SLC44A1: variants seen among roughly 807,000 people sequenced by gnomAD.
SLC44A1 encodes solute carrier family 44 member 1.
In SLC44A1, 26 loss-of-function variants were observed where a neutral mutation model predicts 79.3. The ratio of observed to expected loss-of-function variants is 0.33; its 90% CI spans 0.24 to 0.46. SLC44A1 has a LOEUF of 0.46. Ranked by LOEUF, SLC44A1 falls within the 20% of genes least tolerant of loss-of-function variation. The pLI is 1.00. For synonymous variants in SLC44A1, 263 were observed against 286.2 expected, an observed-to-expected ratio of 0.92 and a Z score of 0.82; for missense variants, 688 against 798.1, an observed-to-expected ratio of 0.86 and a Z score of 1.66.
At chr9:105,310,694 G>A (rs531341137) in intron 3 of SLC44A1, among the ~76,000 whole-genome samples, 2 of 152,164 alleles carry the variant, frequency 1.3e-5, no homozygotes, top group Non-Finnish European at 2.9e-5. Flanking sequence ...TTTCCAGGAA[G>A]GTGGTATGTA....
intron 9 of SLC44A1, 40 bp from the exon 10 acceptor site, chr9:105,364,515 C>T: frequency 6.4e-7 from 1 of 1,573,416 alleles, no homozygotes; most frequent in East Asian, 2.2e-5. Flanking sequence ...TGGATTTGTA[C>T]TTTATGTGCT....
intron 15 of SLC44A1, among the ~76,000 whole-genome samples, chr9:105,404,881 A>G (rs560764403): frequency 6.6e-6 from 1 of 152,238 alleles, no homozygotes; most frequent in Admixed American, 6.5e-5. Flanking sequence ...CATGTTTTAT[A>G]GGGATTGTGT....
intron 1 of SLC44A1, among the ~76,000 whole-genome samples, chr9:105,285,674 A>G (rs991663875): frequency 8.5e-5 from 13 of 152,202 alleles, no homozygotes; most frequent in African/African-American, 3.1e-4. Flanking sequence ...CTCACAAAGT[A>G]CATTCTCAAG....
intron 1 of SLC44A1, among the ~76,000 whole-genome samples, chr9:105,273,441 A>G (rs1463205753): frequency 6.6e-6 from 1 of 152,192 alleles, no homozygotes; most frequent in Admixed American, 6.5e-5. Context: ...AATGGATTAC[A>G]TTTGGCTTTT....
intron 15 of SLC44A1, among the ~76,000 whole-genome samples, chr9:105,387,970 T>A (rs1588860099): frequency 1.3e-5 from 2 of 152,218 alleles, no homozygotes; most frequent in Admixed American, 1.3e-4. Context: ...AACAATGCAT[T>A]AAAATCTTTA....
At chr9:105,403,177 T>C (rs1828980976) in intron 15 of SLC44A1, among the ~76,000 whole-genome samples, 1 of 151,930 alleles carries the variant, frequency 6.6e-6, no homozygotes, top group South Asian at 2.1e-4. Flanking sequence ...AAGAAACAAA[T>C]ATGCTGGACT....
chr9:105,422,127 T>TA (rs1472586790), intron 15 of SLC44A1, among the ~76,000 whole-genome samples: 28 of 152,168 alleles, frequency 1.8e-4, no homozygotes, highest in African/African-American at 5.5e-4. Context: ...AGGTCAGAGT[T>TA]ACATCTAGCA....
At chr9:105,436,597 A>AAATG (rs1205985848) in intron 15 of SLC44A1, among the ~76,000 whole-genome samples, 3 of 152,190 alleles carry the variant, frequency 2.0e-5, no homozygotes, top group Admixed American at 6.5e-5. Context: ...ATAAATAAAT[A>AAATG]AAATGAAACT....
At position 105,392,772 on chromosome 9, in the gene SLC44A1, C is replaced by T; in HGVS notation, c.*3716C>T. On this transcript the variant is annotated 3_prime_UTR_variant, in exon 16 of 16. Transcript: ENST00000374720. ...GCAAGGTAGAATTCTGGGATCAGTT[C>T]CAAAACCAGAACTGCCAGTAATGGT... 1.0e-6 allele frequency: 1 copy of T among 985,346 alleles called. No homozygotes were observed. Among genetic ancestry groups the T allele is most frequent in the Non-Finnish European group, 1.2e-6 (1 of 829,902 alleles). 61.0% of individuals were successfully genotyped at this position (985,346 alleles called of 1,614,324 possible).
At chr9:105,353,086 C>T (rs895892216) in intron 5 of SLC44A1, among the ~76,000 whole-genome samples, 3 of 152,096 alleles carry the variant, frequency 2.0e-5, no homozygotes, top group Admixed American at 6.5e-5. Flanking sequence ...TTCATTACCA[C>T]TAGGAACAGA....
At chr9:105,402,460 TA>T (rs1828970753) in intron 15 of SLC44A1, among the ~76,000 whole-genome samples, 2 of 152,372 alleles carry the variant, frequency 1.3e-5, no homozygotes, top group Middle Eastern at 3.4e-3. Flanking sequence ...CAAATTCATC[TA>T]AGCTCTGATT....
At chr9:105,400,499 A>AG (rs1218377062), downstream of SLC44A1, among the ~76,000 whole-genome samples, 1 of 152,042 alleles carries the variant, frequency 6.6e-6, no homozygotes, top group African/African-American at 2.4e-5. Flanking sequence ...AAAAAAGAAA[A>AG]AGAAAAAGAA....
At chr9:105,363,871 A>G (rs577689588) in intron 9 of SLC44A1, among the ~76,000 whole-genome samples, 13 of 152,352 alleles carry the variant, frequency 8.5e-5, no homozygotes, top group Non-Finnish European at 1.9e-4. Context: ...GTAAGTTCCA[A>G]TACTGACTCA....
rs541163857 is a variant in SLC44A1 at position 105,278,603 on chromosome 9, A to G, written c.37-20617A>G. 2.0e-5 allele frequency among the ~76,000 whole-genome samples: 3 copies of G among 151,602 alleles called. No homozygotes were observed. In the South Asian group the frequency reaches 6.2e-4, roughly 32 times the overall value. On this transcript the variant is annotated intron_variant, in intron 1 of 15. Coordinates refer to ENST00000374720, the MANE Select transcript of SLC44A1 (RefSeq NM_080546.5). Reference sequence around the variant, plus strand: ...ACTATGTTGGCCAGGCTGGTCTCGAACTCCTGACCTCAAATGATGTACCCG... The same window carrying G: ...ACTATGTTGGCCAGGCTGGTCTCGAGCTCCTGACCTCAAATGATGTACCCG...
intron 3 of SLC44A1, among the ~76,000 whole-genome samples, chr9:105,320,106 T>C (rs577297836): frequency 1.3e-5 from 2 of 152,278 alleles, no homozygotes; most frequent in African/African-American, 4.8e-5. Flanking sequence ...CAAATAATTA[T>C]ATATTATGTA....
At chr9:105,351,503 A>G (rs1344455451) in intron 5 of SLC44A1, among the ~76,000 whole-genome samples, 1 of 151,104 alleles carries the variant, frequency 6.6e-6, no homozygotes, top group Admixed American at 6.6e-5. Context: ...ACTGCACTCC[A>G]GCCTGGGCAA....
chr9:105,372,644 G>GA (rs1441970791), intron 12 of SLC44A1, among the ~76,000 whole-genome samples: 8 of 150,964 alleles, frequency 5.3e-5, no homozygotes, highest in Non-Finnish European at 8.9e-5. Flanking sequence ...CCCCATTACT[G>GA]AAAAAAGCTT....
At chr9:105,287,453 AAC>A (rs546616988) in intron 1 of SLC44A1, among the ~76,000 whole-genome samples, 162 of 152,306 alleles carry the variant, frequency 1.1e-3, no homozygotes, top group African/African-American at 3.8e-3. Context: ...TCAGTTTTCA[AAC>A]ACACATTTTA....
At chr9:105,354,297 G>A (rs560346007) in intron 5 of SLC44A1, among the ~76,000 whole-genome samples, 5 of 151,590 alleles carry the variant, frequency 3.3e-5, no homozygotes, top group South Asian at 4.2e-4. Context: ...TGATCCGCCC[G>A]CCTCGGCCTC....
Sources: allele counts gnomAD v4.1 joint callset (sites outside exome capture counted in the v4.1 genomes callset), GRCh38; gene constraint gnomAD v4.1.1; transcripts MANE v1.5; gene names NCBI Gene and HGNC (gene_info 2026-07-23, HGNC 2026-07-21).